The following ALDH1A1 variants were observed in gnomAD, a reference collection of about 807,000 sequenced individuals.
The protein encoded by ALDH1A1 is aldehyde dehydrogenase 1A1.
ALDH1A1 carries 19 observed loss-of-function variants against 62.1 expected under a neutral mutation model. The observed-to-expected ratio is 0.31, with a 90% CI of 0.21 to 0.45. The LOEUF (loss-of-function observed/expected upper bound fraction) is 0.45, where lower values mean the gene tolerates loss of function less well. Ranked by LOEUF, ALDH1A1 falls within the 20% of genes least tolerant of loss-of-function variation. ALDH1A1 has a pLI of 1.00. For missense variants in ALDH1A1, 521 were observed against 607.1 expected (o/e 0.86, Z 1.49); for synonymous variants, 231 against 215.9 (o/e 1.07, Z -0.61).
Position 72,912,028 on chromosome 9 carries a change from T to C in ALDH1A1, c.1130A>G (p.Asn377Ser). The change falls in exon 10 of 13, where the codon AAT becomes AGT. Residue 377 changes from asparagine to serine, a missense_variant. By Grantham distance (46) the Asn-to-Ser change is conservative (BLOSUM62 1). Transcript: ENST00000297785. ...TGTGGGCTGGACAAAGTAGCCTTTA[T>C]TCCCCCACGGGCCTCCTCCACATTC... ...KLECGGGPWGNKGYFVQPTVF... is the reference protein window; with the variant it reads ...KLECGGGPWGSKGYFVQPTVF... 6.2e-7 allele frequency: 1 copy of C among 1,613,974 alleles called. No individual in the cohort carries two copies. Among genetic ancestry groups the C allele is most frequent in the Non-Finnish European group, 8.5e-7 (1 of 1,179,904 alleles).
intron 9 of ALDH1A1, among the ~76,000 whole-genome samples, chr9:72,914,468 G>A (rs1830034885): frequency 6.6e-6 from 1 of 152,080 alleles, no homozygotes. Context: ...TAAGACAATA[G>A]TTTCAGGGAG....
chr9:72,940,519 G>A lies in ALDH1A1; in HGVS notation c.67-267C>T, dbSNP rs577881574. Among the ~76,000 whole-genome samples the A allele has an allele frequency of 1.0e-3, 153 of 152,268 alleles. 1 individual carries two copies. Among genetic ancestry groups the A allele is most frequent in the African/African-American group, 3.3e-3 (139 of 41,558 alleles). On this transcript the variant is annotated intron_variant, in intron 1 of 12. Transcript: ENST00000297785. Reference sequence around the variant, plus strand: ...TGGAGAAAACAATCTAGAAAACAATGCTTTTACCTGAAATGGCCATGAATT... The same window carrying A: ...TGGAGAAAACAATCTAGAAAACAATACTTTTACCTGAAATGGCCATGAATT...
chr9:72,901,523 TG>T, intron 12 of ALDH1A1, among the ~76,000 whole-genome samples: 1 of 152,114 alleles, frequency 6.6e-6, no homozygotes, highest in Admixed American at 6.6e-5. Flanking sequence ...TACTGTCAGT[TG>T]ATTTCTCACA....
chr9:72,902,834 A>G (rs1415865224), intron 12 of ALDH1A1, among the ~76,000 whole-genome samples: 1 of 151,952 alleles, frequency 6.6e-6, no homozygotes, highest in Non-Finnish European at 1.5e-5. Flanking sequence ...AAAATCTTCA[A>G]TGTACAAATC....
chr9:72,921,517 T>C (rs1322508357), intron 7 of ALDH1A1, among the ~76,000 whole-genome samples: 1 of 149,788 alleles, frequency 6.7e-6, no homozygotes, highest in African/African-American at 2.5e-5. Context: ...TTTTTTTTTT[T>C]TTTCATTTTT....
chr9:72,906,922 G>C (rs1829884470), intron 11 of ALDH1A1, among the ~76,000 whole-genome samples: 1 of 152,104 alleles, frequency 6.6e-6, no homozygotes, highest in Non-Finnish European at 1.5e-5. Flanking sequence ...AGGATCACTT[G>C]AGCCCAAGAG....
At chr9:72,939,720 G>T (rs1830392672) in intron 2 of ALDH1A1, among the ~76,000 whole-genome samples, 1 of 151,928 alleles carries the variant, frequency 6.6e-6, no homozygotes, top group African/African-American at 2.4e-5. Context: ...GTTTCCCCAT[G>T]TTGGCCAGGC....
chr9:72,927,212 A>T lies in ALDH1A1; in HGVS notation c.443-35T>A, dbSNP rs752504294. On this transcript the variant is annotated intron_variant, in intron 4 of 12. Transcript: ENST00000297785. Reference sequence around the variant, plus strand: ...AAAACACACACAATCATATATAAACAAATGTATTTGACATTCACAAAATGG... The same window carrying T: ...AAAACACACACAATCATATATAAACTAATGTATTTGACATTCACAAAATGG... 4 of 1,477,946 alleles carry T rather than the reference A, an allele frequency of 2.7e-6. No homozygotes were observed. The South Asian group carries it at 3.7e-5, about 13-fold the overall frequency. The allele number at this position is 1,477,946 out of a possible 1,614,324, so 91.6% of individuals were successfully genotyped here.
At chr9:72,905,444 A>T (rs1322935858) in intron 12 of ALDH1A1, among the ~76,000 whole-genome samples, 1 of 152,138 alleles carries the variant, frequency 6.6e-6, no homozygotes, top group African/African-American at 2.4e-5. Flanking sequence ...ACTAAAAATA[A>T]CTTCTTATGG....
At chr9:72,912,526 T>A (rs1347708817) in intron 9 of ALDH1A1, among the ~76,000 whole-genome samples, 2 of 152,098 alleles carry the variant, frequency 1.3e-5, no homozygotes. Context: ...TGATACTGAG[T>A]TTAATTAGAT....
intron 11 of ALDH1A1, among the ~76,000 whole-genome samples, 171 bp downstream of exon 11, chr9:72,909,431 T>C (rs1247697125): frequency 6.6e-6 from 1 of 152,164 alleles, no homozygotes; most frequent in Non-Finnish European, 1.5e-5. Flanking sequence ...GTGCTGGGAT[T>C]ACAGGCATGA....
At chr9:72,901,975 AT>A (rs1417441224) in intron 12 of ALDH1A1, among the ~76,000 whole-genome samples, 2 of 152,058 alleles carry the variant, frequency 1.3e-5, no homozygotes, top group African/African-American at 4.8e-5. Flanking sequence ...AAACTTTTAA[AT>A]TGTTTTCTTT....
At chr9:72,940,948 TA>T (rs1213425814) in intron 1 of ALDH1A1, among the ~76,000 whole-genome samples, 1 of 152,168 alleles carries the variant, frequency 6.6e-6, no homozygotes, top group African/African-American at 2.4e-5. Context: ...AAAATAGAAA[TA>T]CTTAAAAGCA....
At chr9:72,908,563 GAAAGAAAGA>G (rs1564622584) in intron 11 of ALDH1A1, among the ~76,000 whole-genome samples, 23 of 18,928 alleles carry the variant, frequency 1.2e-3, no homozygotes, top group Non-Finnish European at 2.0e-3. Context: ...AAGAAAGAAA[GAAAGAAAGA>G]AAGAAAGAAA....
chr9:72,918,683 T>A (rs571756310), intron 8 of ALDH1A1, 37 bp downstream of exon 8: 2 of 1,094,650 alleles, frequency 1.8e-6, no homozygotes, highest in African/African-American at 3.7e-5. Flanking sequence ...CCAAAAACGA[T>A]GAAGGACGAA....
chr9:72,909,075 A>G (rs1190624192), intron 11 of ALDH1A1, among the ~76,000 whole-genome samples: 1 of 151,976 alleles, frequency 6.6e-6, no homozygotes, highest in Non-Finnish European at 1.5e-5. Flanking sequence ...TCAAACATCA[A>G]TACAATATTT....
Position 72,931,039 on chromosome 9 carries a change from C to A in ALDH1A1, c.172-20G>T. ...ATCCTCCTGTAAGTCAACAGGAATT[C>A]AATTCAGTAAGCTAAACATATTAGG... is the stretch of plus-strand genomic sequence containing the variant. On this transcript the variant is annotated intron_variant, in intron 2 of 12. Coordinates refer to ENST00000297785, the MANE Select transcript of ALDH1A1 (RefSeq NM_000689.5). The A allele has an allele frequency of 6.2e-7, 1 of 1,613,766 alleles. No homozygotes were observed. Among genetic ancestry groups the A allele is most frequent in the South Asian group, 1.1e-5 (1 of 91,048 alleles).
chr9:72,901,363 G>T, intron 12 of ALDH1A1, 83 bp from the exon 13 acceptor site: 1 of 984,500 alleles, frequency 1.0e-6, no homozygotes, highest in Non-Finnish European at 1.6e-6. Flanking sequence ...GTACGAGTTT[G>T]TTCTTGTTTT....
At position 72,901,221 on chromosome 9, in the gene ALDH1A1, T is replaced by A; in HGVS notation, c.1493A>T (p.Gln498Leu). 1 of 1,608,288 alleles carries A rather than the reference T, an allele frequency of 6.2e-7. No individual in the cohort carries two copies. ...EVKTVTVKISQKNS is the reference protein window; with the variant it reads ...EVKTVTVKISLKNS ...CTTGTATTTTCTTTATGAGTTCTTC[T>A]GAGAGATTTTCACTGTGACTGTTTT... Residue 498 changes from glutamine (Q) to leucine (L), a missense_variant, in exon 13 of 13, where the codon CAG becomes CTG. Transcript: ENST00000297785.
Sources: allele counts gnomAD v4.1 joint callset (sites outside exome capture counted in the v4.1 genomes callset), GRCh38; gene constraint gnomAD v4.1.1; transcripts MANE v1.5; gene names NCBI Gene and HGNC (gene_info 2026-07-23, HGNC 2026-07-21).